KIAA1549: variants seen among roughly 807,000 people sequenced by gnomAD.
KIAA1549 encodes the protein UPF0606 protein KIAA1549.
KIAA1549 carries 70 observed loss-of-function variants against 156.4 expected under a neutral mutation model. The ratio of observed to expected loss-of-function variants is 0.45; its 90% CI spans 0.37 to 0.55. The LOEUF (loss-of-function observed/expected upper bound fraction) is 0.55. Ranked by LOEUF, KIAA1549 falls within the 20% of genes least tolerant of loss-of-function variation. KIAA1549 has a pLI of 0.00. For missense variants in KIAA1549, 2,428 were observed against 2,540.9 expected, an observed-to-expected ratio of 0.96 and a Z score of 0.96; for synonymous variants, 1,103 against 1,066.4, an observed-to-expected ratio of 1.03 and a Z score of -0.67.
At chr7:138,936,466 C>T (rs1813013304) in intron 1 of KIAA1549, among the ~76,000 whole-genome samples, 1 of 152,198 alleles carries the variant, frequency 6.6e-6, no homozygotes. Context: ...CGCACAACTT[C>T]TGTGAGAGAC....
chr7:138,842,284 G>C (rs975658361), intron 18 of KIAA1549, among the ~76,000 whole-genome samples: 3 of 152,190 alleles, frequency 2.0e-5, no homozygotes, highest in Non-Finnish European at 2.9e-5. Context: ...ATTGAGCCCA[G>C]CAAGCCGGGG....
chr7:138,940,070 T>A (rs1178297651), intron 1 of KIAA1549, among the ~76,000 whole-genome samples: 1 of 152,228 alleles, frequency 6.6e-6, no homozygotes, highest in African/African-American at 2.4e-5. Context: ...AACGTGCAGG[T>A]TTGTTACATA....
chr7:138,905,593 T>C (rs1811983198), intron 6 of KIAA1549, among the ~76,000 whole-genome samples: 1 of 152,196 alleles, frequency 6.6e-6, no homozygotes, highest in Admixed American at 6.6e-5. Context: ...AGTTATTCTT[T>C]TTAGTTTAAT....
chr7:138,868,172 T>C (rs765726678), intron 14 of KIAA1549, 44 bp from the exon 15 acceptor site: 1 of 1,579,484 alleles, frequency 6.3e-7, no homozygotes, highest in Non-Finnish European at 8.6e-7. Context: ...AATCACCCTT[T>C]TTGCCACTGA....
chr7:138,853,279 A>T (rs1259139761), intron 16 of KIAA1549, among the ~76,000 whole-genome samples: 1 of 152,192 alleles, frequency 6.6e-6, no homozygotes, highest in African/African-American at 2.4e-5. Flanking sequence ...TAGTATTTTG[A>T]GTTAAGCATT....
At chr7:138,907,226 C>T (rs767901119) in intron 5 of KIAA1549, 124 bp from the exon 6 acceptor site, 8 of 731,494 alleles carry the variant, frequency 1.1e-5, no homozygotes, top group Non-Finnish European at 1.5e-5. Context: ...TTAAAGGAAA[C>T]GTAACTGGCT....
At position 138,981,182 on chromosome 7, in the gene KIAA1549, G is replaced by C. The variant is rs1814539000; in HGVS notation, c.88C>G (p.Arg30Gly). Residue 30 changes from arginine (R) to glycine (G), a missense_variant, in exon 1 of 20, where the codon CGA becomes GGA. This residue lies in a region of KIAA1549 where 893 missense variants were observed against 847.9 expected (regional missense o/e 1.05). Transcript: ENST00000422774. This position sits in a 1 kb window ranked among gnomAD's most constrained non-coding sequence, Gnocchi z 4.5. ...GVALAPGPSGRRPSARCARRR... is the reference protein window; with the variant it reads ...GVALAPGPSGGRPSARCARRR... Reference sequence around the variant, plus strand: ...CGGGCGCAGCGGGCGGAAGGCCGTCGGCCGCTCGGCCCCGGGGCCAGCGCG... The same window carrying C: ...CGGGCGCAGCGGGCGGAAGGCCGTCCGCCGCTCGGCCCCGGGGCCAGCGCG... 8.9e-7 allele frequency: 1 copy of C among 1,124,980 alleles called. No individual in the cohort carries two copies. The highest frequency in any genetic ancestry group is 1.1e-6 in the Non-Finnish European group (1 of 920,314). 69.7% of individuals were successfully genotyped at this position (1,124,980 alleles called of 1,614,324 possible). A position where few individuals can be genotyped will look rare whatever the true frequency, so the allele number is the denominator to read the frequency against.
chr7:138,875,695 G>T (rs1811064925), intron 12 of KIAA1549, among the ~76,000 whole-genome samples: 1 of 152,172 alleles, frequency 6.6e-6, no homozygotes, highest in African/African-American at 2.4e-5. Flanking sequence ...CAACAAAGCA[G>T]AATGAAAGAG....
intron 1 of KIAA1549, among the ~76,000 whole-genome samples, chr7:138,979,932 A>G (rs1180337567): frequency 6.6e-6 from 1 of 152,202 alleles, no homozygotes; most frequent in Non-Finnish European, 1.5e-5. Context: ...CTCTTTGGTA[A>G]GCAGAGTGGA....
intron 1 of KIAA1549, among the ~76,000 whole-genome samples, chr7:138,937,165 G>A (rs143722813): frequency 2.3e-4 from 35 of 151,116 alleles, no homozygotes; most frequent in African/African-American, 4.9e-4. Context: ...GCTATTCGAC[G>A]TGCTCTCTGA....
chr7:138,906,536 C>A (rs537510625), intron 6 of KIAA1549, among the ~76,000 whole-genome samples: 26 of 152,288 alleles, frequency 1.7e-4, no homozygotes, highest in African/African-American at 6.0e-4. Context: ...TACTATTATT[C>A]TAAGTGAAAT....
intron 1 of KIAA1549, among the ~76,000 whole-genome samples, chr7:138,923,462 T>C (rs1023689069): frequency 2.6e-5 from 4 of 152,106 alleles, no homozygotes; most frequent in Non-Finnish European, 5.9e-5. Context: ...TTGCTGGGTG[T>C]GGTGGCATGC....
chr7:138,832,752 C>T lies in KIAA1549; in HGVS notation c.*5154G>A. The T allele has an allele frequency of 4.5e-6, 1 of 221,518 alleles. No homozygotes were observed. The highest frequency in any genetic ancestry group is 9.0e-6 in the Non-Finnish European group (1 of 110,770). The allele number at this position is 221,518 out of a possible 1,614,324, so 13.7% of individuals were successfully genotyped here. On this transcript the variant is annotated 3_prime_UTR_variant, in exon 20 of 20. Coordinates refer to ENST00000422774, the MANE Select transcript of KIAA1549 (RefSeq NM_001164665.2). ...AAATTATCAAGCCTACTGTCACACACACAAGCATGGACTTAGCAATGTACC... is the reference window on the plus strand; with the variant it reads ...AAATTATCAAGCCTACTGTCACACATACAAGCATGGACTTAGCAATGTACC...
At chr7:138,844,589 C>T in intron 17 of KIAA1549, 115 bp from the exon 18 acceptor site, 1 of 967,116 alleles carries the variant, frequency 1.0e-6, no homozygotes. Context: ...CCTGCTTAGC[C>T]ATCTCCTCTC....
Position 138,917,225 on chromosome 7 carries a change from C to A in KIAA1549, c.2401G>T (p.Glu801Ter). 6.2e-7 allele frequency: 1 copy of A among 1,613,928 alleles called. No individual in the cohort carries two copies. The highest frequency in any genetic ancestry group is 8.5e-7 in the Non-Finnish European group (1 of 1,179,896). The stretch of plus-strand genomic sequence containing the variant: ...GTCAGAGTTGAGAACAAAGAAGACT[C>A]AGTTAAAATGGGCGTTGTGTGGACA... Reference protein sequence around the residue: ...TTVHTTPILTESSLFSTLTPP... With the variant: ...TTVHTTPILT Residue 801 changes from glutamate (E) to a stop codon, truncating the protein, a stop_gained, in exon 2 of 20, where the codon GAG becomes TAG. Coordinates refer to ENST00000422774, the MANE Select transcript of KIAA1549 (RefSeq NM_001164665.2). LOFTEE classifies it high-confidence loss of function.
rs1018938257 is a variant in KIAA1549, at chr7:138,869,484, C to T, written c.4775+54G>A. 22 of 1,393,186 alleles carry T rather than the reference C, an allele frequency of 1.6e-5. No individual in the cohort carries two copies. The African/African-American group carries it at 1.7e-4, about 11-fold the overall frequency. 86.3% of individuals were successfully genotyped at this position (1,393,186 alleles called of 1,614,324 possible). A position where few individuals can be genotyped will look rare whatever the true frequency, so the allele number is the denominator to read the frequency against. ...GGGCTCCTGTCCTGCTCCTGTGCCC[C>T]CCGCAGCACCTCTGCGCGCCCGCCC... On this transcript the variant is annotated intron_variant, in intron 14 of 19. Transcript: ENST00000422774.
intron 13 of KIAA1549, among the ~76,000 whole-genome samples, chr7:138,870,244 A>C (rs1810888177): frequency 6.6e-6 from 1 of 151,376 alleles, no homozygotes; most frequent in Non-Finnish European, 1.5e-5. Context: ...TCACCGAGAG[A>C]GCGACAGGCA....
intron 17 of KIAA1549, among the ~76,000 whole-genome samples, chr7:138,851,457 T>G (rs1810229449): frequency 1.3e-5 from 2 of 152,174 alleles, no homozygotes; most frequent in Non-Finnish European, 2.9e-5. Context: ...AGAATCTGTG[T>G]CTGATAACTC....
chr7:138,855,060 C>T (rs1296864378), intron 16 of KIAA1549, among the ~76,000 whole-genome samples: 1 of 152,104 alleles, frequency 6.6e-6, no homozygotes, highest in Non-Finnish European at 1.5e-5. Flanking sequence ...ATTACATTGC[C>T]ACTTAGAGAG....
Sources: allele counts gnomAD v4.1 joint callset (sites outside exome capture counted in the v4.1 genomes callset), GRCh38; gene constraint gnomAD v4.1.1; regional missense constraint gnomAD v4.1.1; non-coding constraint Gnocchi (gnomAD v3.1); transcripts MANE v1.5; gene names NCBI Gene and HGNC (gene_info 2026-07-23, HGNC 2026-07-21).